The following PLAAT1 variants were observed in gnomAD, a reference collection of about 807,000 sequenced individuals.
PLAAT1 encodes the protein phospholipase A and acyltransferase 1, also known as H-REV107 protein-related protein.
In PLAAT1, 13 loss-of-function variants were observed where a neutral mutation model predicts 16.4. The observed-to-expected ratio is 0.79, with a 90% CI of 0.52 to 1.26. The LOEUF (loss-of-function observed/expected upper bound fraction) is 1.26. Among genes scored for constraint, PLAAT1 ranks in the 50% most tolerant of loss-of-function variants. PLAAT1 has a pLI of 0.00. For missense variants in PLAAT1, 218 were observed against 207.8 expected, an observed-to-expected ratio of 1.05 and a Z score of -0.30; for synonymous variants, 73 against 78.4, an observed-to-expected ratio of 0.93 and a Z score of 0.36.
intron 2 of PLAAT1, among the ~76,000 whole-genome samples, chr3:193,261,964 CAGA>C (rs1247131290): frequency 6.6e-6 from 1 of 152,070 alleles, no homozygotes; most frequent in Non-Finnish European, 1.5e-5. Flanking sequence ...GGAGGACAGA[CAGA>C]AGGATAGTGG....
chr3:193,249,745 T>C, intron 1 of PLAAT1, among the ~76,000 whole-genome samples: 1 of 152,054 alleles, frequency 6.6e-6, no homozygotes, highest in Admixed American at 6.6e-5. Flanking sequence ...TATTCAAGTT[T>C]GCTAATTCTT....
At chr3:193,264,377 A>G (rs1375991089) in intron 3 of PLAAT1, among the ~76,000 whole-genome samples, 2 of 151,982 alleles carry the variant, frequency 1.3e-5, no homozygotes, top group Non-Finnish European at 2.9e-5. Context: ...TTTGATTTGC[A>G]TTTTCCTGAT....
rs750102175 is a variant in PLAAT1, at chr3:193,276,827, T to C, written c.*60-809T>C. On this transcript the variant is annotated intron_variant and NMD_transcript_variant, in intron 2 of 2. Coordinates refer to the PLAAT1 transcript ENST00000416012. ...ACCCTCCACGATGTTATGGTTGGGA[T>C]CAACTGTTGAAAAACAAATACCATT... The C allele has an allele frequency of 1.1e-5, 17 of 1,612,516 alleles. No individual in the cohort carries two copies. Among genetic ancestry groups the C allele is most frequent in the East Asian group, 2.2e-5 (1 of 44,850 alleles).
chr3:193,250,525 A>G (rs1716152271), intron 1 of PLAAT1, among the ~76,000 whole-genome samples: 1 of 152,178 alleles, frequency 6.6e-6, no homozygotes, highest in African/African-American at 2.4e-5. Flanking sequence ...TACGAGACTC[A>G]AAAATGAAGA....
At chr3:193,279,250 A>G, downstream of PLAAT1, 4 of 774,184 alleles carry the variant, frequency 5.2e-6, no homozygotes, top group Admixed American at 2.5e-5. Flanking sequence ...ATATAGAAAT[A>G]GCCTCACAGT....
chr3:193,245,377 T>C (rs1056008393), intron 1 of PLAAT1, among the ~76,000 whole-genome samples: 2 of 152,220 alleles, frequency 1.3e-5, no homozygotes, highest in Non-Finnish European at 2.9e-5. Flanking sequence ...AAATTTCCTT[T>C]TTTAAAAGGC....
chr3:193,261,691 A>C (rs1264935295), intron 2 of PLAAT1, among the ~76,000 whole-genome samples: 1 of 152,194 alleles, frequency 6.6e-6, no homozygotes, highest in East Asian at 1.9e-4. Context: ...TTTTCTTATT[A>C]TCATGCCTTA....
rs35525262 is a variant in PLAAT1, at chr3:193,262,995, C to T, written c.165C>T (p.Ser55=). 5.9e-3 allele frequency: 9,469 copies of T among 1,614,114 alleles called. 79 individuals are homozygous for T. The highest frequency in any genetic ancestry group is 0.031 in the African/African-American group (2,342 of 75,034). ...ATGGCATTCCTGCGTCCTTTACAAGCGCCAAGTCTGTATTCAGCAGTAAGG... is the reference window on the plus strand; with the variant it reads ...ATGGCATTCCTGCGTCCTTTACAAGTGCCAAGTCTGTATTCAGCAGTAAGG... ...PVDGIPASFT[S]AKSVFSSKAL... The change falls in exon 3 of 4, where the codon AGC becomes AGT. Residue 55 remains serine, a synonymous_variant. Transcript: ENST00000264735.
downstream of PLAAT1, chr3:193,275,203 C>T (rs1375242335): frequency 6.2e-7 from 1 of 1,614,198 alleles, no homozygotes; most frequent in Non-Finnish European, 8.5e-7. Flanking sequence ...GTTGAGTCTT[C>T]TGCTAGCTTC....
chr3:193,247,784 A>T lies in PLAAT1; in HGVS notation c.-1+6251A>T, dbSNP rs76891346. 7.9e-5 allele frequency among the ~76,000 whole-genome samples: 12 copies of T among 152,330 alleles called. No homozygotes were observed. In the East Asian group the frequency reaches 1.9e-3, roughly 24 times the overall value. ...TTTCTAGGTTTGTGCCATTGTGGTC[A>T]GAAGAAATACTTGATAAGATTTCAG... On this transcript the variant is annotated intron_variant, in intron 1 of 3. Transcript: ENST00000264735.
At chr3:193,267,979 A>G (rs1406786190) in intron 3 of PLAAT1, among the ~76,000 whole-genome samples, 1 of 152,216 alleles carries the variant, frequency 6.6e-6, no homozygotes, top group East Asian at 1.9e-4. Context: ...TTCTTTGCAT[A>G]TCATCTTTGA....
chr3:193,242,217 A>G (rs147514938), intron 1 of PLAAT1, among the ~76,000 whole-genome samples: 20 of 151,688 alleles, frequency 1.3e-4, no homozygotes, highest in Middle Eastern at 3.4e-3. Flanking sequence ...AAGCCAAAAG[A>G]TCGGACGCAT....
chr3:193,255,104 A>G (rs1320345796), intron 1 of PLAAT1, among the ~76,000 whole-genome samples: 2 of 152,172 alleles, frequency 1.3e-5, no homozygotes, highest in African/African-American at 4.8e-5. Context: ...GCTGTATAAA[A>G]GGTTGAAAGA....
chr3:193,240,684 T>TGTGTGTGG (rs1198933933), upstream of PLAAT1, among the ~76,000 whole-genome samples: 3 of 145,324 alleles, frequency 2.1e-5, no homozygotes, highest in Non-Finnish European at 1.5e-5. Context: ...TGTGTGTGTG[T>TGTGTGTGG]GGTTGGAGGT....
chr3:193,240,974 G>A (rs934765681), upstream of PLAAT1, among the ~76,000 whole-genome samples: 1 of 152,146 alleles, frequency 6.6e-6, no homozygotes, highest in Non-Finnish European at 1.5e-5. Context: ...CCTAAACGTT[G>A]GCTGCGGGAA....
chr3:193,257,243 G>A (rs1206147904), intron 2 of PLAAT1, among the ~76,000 whole-genome samples: 4 of 152,214 alleles, frequency 2.6e-5, no homozygotes, highest in East Asian at 1.9e-4. Context: ...CATGTTCATC[G>A]CTGGACTATC....
chr3:193,245,858 C>A (rs1715963579), intron 1 of PLAAT1, among the ~76,000 whole-genome samples: 1 of 152,148 alleles, frequency 6.6e-6, no homozygotes, highest in Non-Finnish European at 1.5e-5. Flanking sequence ...TGTTTAGATA[C>A]TTTGCCAAGT....
chr3:193,275,372 A>ACAGCCACCT, downstream of PLAAT1: 39 of 1,546,642 alleles, frequency 2.5e-5, no homozygotes, highest in South Asian at 4.5e-4. Context: ...GCTGGCCACC[A>ACAGCCACCT]CAGCCACCTC....
In PLAAT1 at chr3:193,242,869, A is replaced by G. The variant is rs545698433; in HGVS notation, c.-1+1336A>G. 8.5e-5 allele frequency among the ~76,000 whole-genome samples: 13 copies of G among 152,328 alleles called. No individual in the cohort carries two copies. In the East Asian group the frequency reaches 2.5e-3, roughly 29 times the overall value. ...GAAACCTAATTAGAAGCCTTGGGCC[A>G]GGGGTAGCCTGTGATCACCTGCGAT... On this transcript the variant is annotated intron_variant, in intron 1 of 3. Coordinates refer to ENST00000264735, the MANE Select transcript of PLAAT1 (RefSeq NM_020386.5).
Sources: allele counts gnomAD v4.1 joint callset (sites outside exome capture counted in the v4.1 genomes callset), GRCh38; gene constraint gnomAD v4.1.1; transcripts MANE v1.5; gene names NCBI Gene and HGNC (gene_info 2026-07-23, HGNC 2026-07-21).